The following STAU1 variants were observed in gnomAD, a reference collection of about 807,000 sequenced individuals.
STAU1 encodes staufen double-stranded RNA binding protein 1, also known as double-stranded RNA-binding protein Staufen homolog 1.
Under a neutral mutation model 62.9 loss-of-function variants are expected in STAU1, and 13 were observed. That is an observed-to-expected ratio of 0.21 (90% confidence interval 0.13 to 0.33). The LOEUF (loss-of-function observed/expected upper bound fraction) is 0.33. Ranked by LOEUF, STAU1 falls within the 10% of genes least tolerant of loss-of-function variation. The probability of loss-of-function intolerance (pLI) is 1.00; values close to 1 mark genes in which losing one functional copy is unlikely to be tolerated. For missense variants in STAU1, 571 were observed against 712.1 expected, an observed-to-expected ratio of 0.80 and a Z score of 2.25; for synonymous variants, 269 against 265.1, an observed-to-expected ratio of 1.01 and a Z score of -0.14.
At chr20:49,198,651 A>G in the STAU1 span, among the ~76,000 whole-genome samples, 1 of 151,614 alleles carries the variant, frequency 6.6e-6, no homozygotes, top group Non-Finnish European at 1.5e-5. Flanking sequence ...CCCACATGAT[A>G]AAACTCCATC....
At chr20:49,136,238 C>T (rs2092880326) in intron 5 of STAU1, among the ~76,000 whole-genome samples, 1 of 152,166 alleles carries the variant, frequency 6.6e-6, no homozygotes, top group Non-Finnish European at 1.5e-5. Flanking sequence ...GAGATCGAGG[C>T]TGCAGTAAGC....
chr20:49,130,563 C>T lies in STAU1; in HGVS notation c.609+5270G>A, dbSNP rs529809946. Among the ~76,000 whole-genome samples, 9 of 151,790 alleles carry T rather than the reference C, an allele frequency of 5.9e-5. No homozygotes were observed. In the South Asian group the frequency reaches 1.7e-3, roughly 28 times the overall value. On this transcript the variant is annotated intron_variant, in intron 6 of 13. Transcript: ENST00000371856. ...ACAATTTGGACATCAAAATGGGTGA[C>T]GATAACAATGGAGTAATACTTTGGG...
In STAU1 at chr20:49,113,427, CAA is replaced by C. The variant is rs2092228215; in HGVS notation, c.*1449_*1450del. 2.7e-5 allele frequency: 1 copy of C among 37,714 alleles called. No individual in the cohort carries two copies. The highest frequency in any genetic ancestry group is 1.5e-4 in the Admixed American group (1 of 6,616). 2.3% of individuals were successfully genotyped at this position (37,714 alleles called of 1,614,324 possible). A position where few individuals can be genotyped will look rare whatever the true frequency, so the allele number is the denominator to read the frequency against. On this transcript the variant is annotated 3_prime_UTR_variant, in exon 14 of 14. Coordinates refer to ENST00000371856, the MANE Select transcript of STAU1 (RefSeq NM_017453.4). The stretch of plus-strand genomic sequence containing the variant: ...TGCCCAGATGGAATCACAAGCATTA[CAA>C]AGTTTTTTTCTTAAAAATAAAAAAA...
chr20:49,202,819 T>G, the STAU1 span, among the ~76,000 whole-genome samples: 3 of 151,920 alleles, frequency 2.0e-5, no homozygotes. Flanking sequence ...GGTGGGTGGA[T>G]CACTTGAGGC....
chr20:49,195,677 G>T, the STAU1 span, among the ~76,000 whole-genome samples: 14 of 151,462 alleles, frequency 9.2e-5, no homozygotes, highest in Non-Finnish European at 2.1e-4. Flanking sequence ...CCCAAGGTGG[G>T]CAGATCACCT....
intron 3 of STAU1, among the ~76,000 whole-genome samples, chr20:49,155,597 A>G (rs2146279876): frequency 6.6e-6 from 1 of 152,390 alleles, no homozygotes. Context: ...GAAATAAAAA[A>G]GACCTGATTC....
intron 9 of STAU1, 106 bp from the exon 10 acceptor site, chr20:49,118,514 T>C: frequency 1.1e-6 from 1 of 893,334 alleles, no homozygotes; most frequent in East Asian, 2.6e-5. Context: ...GCAATAACTG[T>C]GGCAATCGGC....
At chr20:49,205,231 G>A in the STAU1 span, among the ~76,000 whole-genome samples, 2 of 152,160 alleles carry the variant, frequency 1.3e-5, no homozygotes, top group African/African-American at 4.8e-5. Context: ...TCCTCATAAT[G>A]ATGGAGAGCG....
At chr20:49,133,904 C>T (rs2092810206) in intron 6 of STAU1, among the ~76,000 whole-genome samples, 1 of 152,024 alleles carries the variant, frequency 6.6e-6, no homozygotes, top group African/African-American at 2.4e-5. Context: ...AAATCATCAT[C>T]ACTCGGCCAA....
intron 3 of STAU1, among the ~76,000 whole-genome samples, chr20:49,154,340 T>C (rs892789755): frequency 4.6e-5 from 7 of 152,210 alleles, no homozygotes; most frequent in African/African-American, 1.7e-4. Context: ...GTGAAAGCTA[T>C]ATGGTACAGC....
chr20:49,187,308 A>G (rs1245683937), intron 1 of STAU1, among the ~76,000 whole-genome samples: 6 of 152,168 alleles, frequency 3.9e-5, no homozygotes, highest in Non-Finnish European at 8.8e-5. Flanking sequence ...AACAGCATCC[A>G]TCGTTTACAG....
In STAU1 at chr20:49,124,376, T is replaced by C; in HGVS notation, c.821A>G (p.Lys274Arg). The stretch of plus-strand genomic sequence containing the variant: ...TTCTGTGTTCAGAAAAGTTCTCACC[T>C]TGACTATGGGTTTTGTTTTCTTTTT... ...RIKKKTKPIV[K>R]PQTSPEYGQG... is the part of the protein sequence containing the mutation. The change falls in exon 7 of 14, where the codon AAG becomes AGG. Residue 274 changes from lysine (K) to arginine (R), a missense_variant and splice_region_variant. Physicochemically the swap from Lys to Arg is conservative, Grantham distance 26. Transcript: ENST00000371856. The C allele has an allele frequency of 6.2e-7, 1 of 1,613,694 alleles. No individual in the cohort carries two copies. The highest frequency in any genetic ancestry group is 8.5e-7 in the Non-Finnish European group (1 of 1,179,938).
At chr20:49,186,388 T>C (rs2093787705) in intron 1 of STAU1, among the ~76,000 whole-genome samples, 1 of 151,102 alleles carries the variant, frequency 6.6e-6, no homozygotes, top group East Asian at 1.9e-4. Context: ...TTACAAACAA[T>C]GGTAAGACTG....
At chr20:49,168,569 GTAAATTTAAATTTCCAACATGA>G (rs2093556641) in intron 2 of STAU1, among the ~76,000 whole-genome samples, 1 of 151,878 alleles carries the variant, frequency 6.6e-6, no homozygotes, top group South Asian at 2.1e-4. Flanking sequence ...ATAAGACTAG[GTAAATTTAAATTTCCAACATGA>G]TAAATATGAA....
In STAU1 at chr20:49,123,111, C is replaced by T. The variant is rs1315688750; in HGVS notation, c.947G>A (p.Arg316His). ...ACCCACCTGCATCACAAACTCCCTG[C>T]GGCGCGGGAGGCCTCGCTCTGTGAG... The part of the protein sequence containing the change: ...TLLTERGLPR[R>H]REFVMQVKVG... Residue 316 changes from arginine (R) to histidine (H), a missense_variant, in exon 8 of 14, where the codon CGC becomes CAC. Around this residue, in one of 3 missense-constraint regions of STAU1, gnomAD observed 414 missense variants for 499.6 expected, o/e 0.83. Coordinates refer to ENST00000371856, the MANE Select transcript of STAU1 (RefSeq NM_017453.4). 27 of 1,606,818 alleles carry T rather than the reference C, an allele frequency of 1.7e-5. No homozygotes were observed. The highest frequency in any genetic ancestry group is 4.5e-5 in the East Asian group (2 of 44,736).
the STAU1 span, among the ~76,000 whole-genome samples, chr20:49,218,264 G>C: frequency 1.4e-5 from 2 of 143,214 alleles, no homozygotes; most frequent in African/African-American, 5.3e-5. Context: ...TTGCTCTGTC[G>C]CCCAGGCTGG....
In STAU1 at chr20:49,151,563, C is replaced by T; in HGVS notation, c.510+19G>A. ...CCTACCCTGTCGAAGCGTCAGGGAG[C>T]CTGGGCTCAACTCCTCACCTCCAGC... On this transcript the variant is annotated intron_variant, in intron 5 of 13. Transcript: ENST00000371856. 6.4e-7 allele frequency: 1 copy of T among 1,574,160 alleles called. No homozygotes were observed. The highest frequency in any genetic ancestry group is 8.6e-7 in the Non-Finnish European group (1 of 1,163,028).
At chr20:49,126,588 C>CAAAAAAAAAACAAAAAAAAAAA (rs1555837251) in intron 6 of STAU1, among the ~76,000 whole-genome samples, 2 of 56,380 alleles carry the variant, frequency 3.5e-5, no homozygotes, top group African/African-American at 1.3e-4. Context: ...AAAAAAAAAA[C>CAAAAAAAAAACAAAAAAAAAAA]AAAAAAAAAA....
At chr20:49,168,517 TCAAAA>T (rs1255492704) in intron 2 of STAU1, among the ~76,000 whole-genome samples, 1 of 151,136 alleles carries the variant, frequency 6.6e-6, no homozygotes, top group Admixed American at 6.6e-5. Flanking sequence ...AATATGTAGT[TCAAAA>T]CAAAACAAAC....
Sources: allele counts gnomAD v4.1 joint callset (sites outside exome capture counted in the v4.1 genomes callset), GRCh38; gene constraint gnomAD v4.1.1; regional missense constraint gnomAD v4.1.1; transcripts MANE v1.5; gene names NCBI Gene and HGNC (gene_info 2026-07-23, HGNC 2026-07-21).